DOCK9: variants seen among roughly 807,000 people sequenced by gnomAD.
DOCK9 encodes the protein dedicator of cytokinesis 9, also known as dedicator of cytokinesis protein 9.
A neutral mutation model predicts 263.3 loss-of-function variants in DOCK9; 89 were observed. The ratio of observed to expected loss-of-function variants is 0.34; its 90% CI spans 0.28 to 0.40. DOCK9 has a LOEUF of 0.40. Among genes scored for constraint, DOCK9 ranks in the 10% least tolerant of loss-of-function variants. DOCK9 has a pLI of 1.00. For missense variants in DOCK9, 2,140 were observed against 2,603.4 expected, an observed-to-expected ratio of 0.82 and a Z score of 3.87; for synonymous variants, 976 against 973.1, an observed-to-expected ratio of 1.00 and a Z score of -0.06.
chr13:99,057,684 C>G (rs1194208562), intron 1 of DOCK9, among the ~76,000 whole-genome samples: 2 of 152,300 alleles, frequency 1.3e-5, no homozygotes, highest in East Asian at 3.9e-4. Context: ...AGTGGAACAG[C>G]TTCAAAGCTG....
At chr13:98,922,171 A>AGAAG in intron 5 of DOCK9, 25 bp from the exon 6 acceptor site, 1 of 1,539,094 alleles carries the variant, frequency 6.5e-7, no homozygotes, top group South Asian at 1.2e-5. Context: ...AAACACCAGC[A>AGAAG]GTCAACCTCC....
At chr13:99,086,185 C>G in intron 1 of DOCK9, 1 of 1,464,672 alleles carries the variant, frequency 6.8e-7, no homozygotes, top group South Asian at 1.3e-5. Flanking sequence ...CCTGCGCCCC[C>G]GCCATCCTCC....
At chr13:99,007,165 G>A (rs1883489093) in intron 1 of DOCK9, among the ~76,000 whole-genome samples, 1 of 151,960 alleles carries the variant, frequency 6.6e-6, no homozygotes, top group African/African-American at 2.4e-5. Flanking sequence ...AGAGGCGGGT[G>A]GATCACGAGG....
chr13:98,907,715 T>A lies in DOCK9; in HGVS notation c.961-3009A>T, dbSNP rs2049335426. Among the ~76,000 whole-genome samples, 3 of 152,154 alleles carry A rather than the reference T, an allele frequency of 2.0e-5. No homozygotes were observed. In the South Asian group the frequency reaches 6.2e-4, roughly 32 times the overall value. On this transcript the variant is annotated intron_variant, in intron 9 of 52. Coordinates refer to ENST00000682017, the MANE Select transcript of DOCK9 (RefSeq NM_001366683.2). ...ATTCGGCTTCTTAAAGTTCCTCCCA[T>A]CCCTCCTAAGGTCTAAGATGATGCA...
At chr13:98,901,091 T>C (rs898864439) in intron 13 of DOCK9, among the ~76,000 whole-genome samples, 3 of 152,236 alleles carry the variant, frequency 2.0e-5, no homozygotes, top group Non-Finnish European at 2.9e-5. Flanking sequence ...GGCAGTCAAG[T>C]GCCCCCTGGC....
chr13:98,837,473 G>A (rs749875658), intron 39 of DOCK9, 21 bp downstream of exon 39: 8 of 1,555,738 alleles, frequency 5.1e-6, no homozygotes, highest in South Asian at 2.2e-5. Flanking sequence ...CTAGAACCAC[G>A]AACAGCAAAT....
At position 98,810,196 on chromosome 13, in the gene DOCK9, G is replaced by A. The variant is rs769033922; in HGVS notation, c.5226C>T (p.Pro1742=). The A allele has an allele frequency of 6.2e-7, 1 of 1,613,906 alleles. No individual in the cohort carries two copies. Among genetic ancestry groups the A allele is most frequent in the East Asian group, 2.2e-5 (1 of 44,870 alleles). ...LIADIYKLII[P]IYEKRRDFER... is the part of the protein sequence containing the mutation. ...CAAAATCCCTCCGCTTCTCATAAAT[G>A]GGGATGATAAGTTTGTAGATGTCGG... Residue 1742 remains proline, a synonymous_variant, in exon 46 of 53, where the codon CCC becomes CCT. Coordinates refer to ENST00000682017, the MANE Select transcript of DOCK9 (RefSeq NM_001366683.2).
chr13:98,937,141 T>C (rs948576629), intron 2 of DOCK9, among the ~76,000 whole-genome samples: 1 of 152,190 alleles, frequency 6.6e-6, no homozygotes, highest in Non-Finnish European at 1.5e-5. Context: ...AGCATACCAG[T>C]CCTATGTCTA....
intron 9 of DOCK9, among the ~76,000 whole-genome samples, chr13:98,906,195 AG>A (rs1028086065): frequency 6.6e-6 from 1 of 152,204 alleles, no homozygotes; most frequent in African/African-American, 2.4e-5. Context: ...CAAGGCTGAG[AG>A]GAAGGCTGGA....
intron 1 of DOCK9, among the ~76,000 whole-genome samples, chr13:99,075,843 TG>T (rs141046080): frequency 4.0e-4 from 61 of 152,322 alleles, no homozygotes; most frequent in African/African-American, 1.4e-3. Flanking sequence ...ATAAACTTCA[TG>T]GGCTTAATGG....
chr13:99,021,619 AC>A (rs1266011564), intron 1 of DOCK9, among the ~76,000 whole-genome samples: 1 of 142,278 alleles, frequency 7.0e-6, no homozygotes, highest in African/African-American at 2.6e-5. Context: ...AGCCTGGGTG[AC>A]AGAGTGAGAC....
In DOCK9 at chr13:98,886,618, A is replaced by G. The variant is rs773942149; in HGVS notation, c.2050T>C (p.Tyr684His). ...EEDSQPLKCI[Y>H]GRPGGPVFTR... ...AAAACTGGCCCACCAGGTCTGCCAT[A>G]AATGCACTAAAATAAGAGTTACCAA... The change falls in exon 19 of 53, where the codon TAT (tyrosine) becomes CAT (histidine). Residue 684 changes from tyrosine (Y) to histidine (H), a missense_variant. Transcript: ENST00000682017. The G allele has an allele frequency of 6.2e-7, 1 of 1,613,682 alleles. No homozygotes were observed. The highest frequency in any genetic ancestry group is 1.1e-5 in the South Asian group (1 of 91,040).
intron 45 of DOCK9, chr13:98,820,721 C>A (rs775981102): frequency 2.5e-6 from 1 of 407,114 alleles, no homozygotes; most frequent in South Asian, 1.8e-5. Context: ...AAATCAGGAA[C>A]GCCTTTCTTC....
intron 2 of DOCK9, among the ~76,000 whole-genome samples, chr13:98,934,960 A>G (rs1343762343): frequency 6.6e-6 from 1 of 152,218 alleles, no homozygotes; most frequent in Non-Finnish European, 1.5e-5. Flanking sequence ...ATTCTTTTAA[A>G]GCTTACAGTC....
chr13:98,924,138 A>G (rs1301377401), intron 4 of DOCK9, among the ~76,000 whole-genome samples: 1 of 152,226 alleles, frequency 6.6e-6, no homozygotes, highest in South Asian at 2.1e-4. Context: ...AGCCAATCCA[A>G]TGGGAAGAAT....
At chr13:98,992,971 G>A (rs1010060971) in intron 1 of DOCK9, among the ~76,000 whole-genome samples, 1 of 152,198 alleles carries the variant, frequency 6.6e-6, no homozygotes, top group African/African-American at 2.4e-5. Context: ...GTCTGAAAGA[G>A]CATGGTGTGT....
intron 34 of DOCK9, among the ~76,000 whole-genome samples, 197 bp downstream of exon 34, chr13:98,855,701 G>A (rs2093690439): frequency 6.6e-6 from 1 of 152,118 alleles, no homozygotes; most frequent in African/African-American, 2.4e-5. Flanking sequence ...AGGATCTGAG[G>A]TACTGGAAAC....
intron 1 of DOCK9, among the ~76,000 whole-genome samples, chr13:98,974,688 T>C (rs2060051372): frequency 7.9e-6 from 1 of 127,200 alleles, no homozygotes; most frequent in South Asian, 2.5e-4. Flanking sequence ...AGGCGGAGGT[T>C]ACAGTGAGCC....
At chr13:98,891,059 C>A (rs1175995196) in intron 15 of DOCK9, among the ~76,000 whole-genome samples, 1 of 152,070 alleles carries the variant, frequency 6.6e-6, no homozygotes, top group African/African-American at 2.4e-5. Flanking sequence ...TGCCCCTGTG[C>A]CTGCGGTGTG....
Sources: gnomAD v4.1 joint callset for allele counts (sites outside exome capture counted in the v4.1 genomes callset) on GRCh38, gnomAD v4.1.1 for gene constraint, MANE v1.5 for transcripts, NCBI Gene and HGNC (gene_info 2026-07-23, HGNC 2026-07-21) for gene names.